Variants in TTC34 observed in about 807,000 individuals in gnomAD.
TTC34 encodes the protein tetratricopeptide repeat protein 34.
Under a neutral mutation model 40.7 loss-of-function variants are expected in TTC34, and 44 were observed. The ratio of observed to expected loss-of-function variants is 1.08; its 90% CI spans 0.85 to 1.39. The LOEUF is 1.39. Among genes scored for constraint, TTC34 ranks in the 40% most tolerant of loss-of-function variants. The pLI is 0.00. For missense variants in TTC34, 884 were observed against 838.0 expected (o/e 1.05, Z -0.68); for synonymous variants, 422 against 398.6 (o/e 1.06, Z -0.70).
At chr1:2,800,366 T>C in exon 2 of TTC34, 1 of 398,488 alleles carries the variant, frequency 2.5e-6, no homozygotes, top group Non-Finnish European at 4.4e-6. Flanking sequence ...CACCATCCGC[T>C]GCCTGCACCC....
In TTC34 at chr1:2,688,632, T is replaced by A. The variant is rs1323976611; in HGVS notation, c.2227-43069A>T. On this transcript the variant is annotated intron_variant, in intron 6 of 8. Transcript: ENST00000401095. ...ACACCCCCAGGTGCGCATCTGATGG[T>A]CTGGAGTAGCACCCACAACCACAGG... is the stretch of plus-strand genomic sequence containing the variant. 3.4e-4 allele frequency among the ~76,000 whole-genome samples: 30 copies of A among 89,132 alleles called. 3 individuals are homozygous for A. The highest frequency in any genetic ancestry group is 1.5e-3 in the African/African-American group (30 of 19,404). 58.5% of individuals were successfully genotyped at this position (89,132 alleles called of 152,430 possible).
rs1216921004 is a variant in TTC34, at chr1:2,698,991, G to T, written c.2227-53428C>A. 1.4e-5 allele frequency among the ~76,000 whole-genome samples: 2 copies of T among 139,342 alleles called. 1 individual carries two copies. Among genetic ancestry groups the T allele is most frequent in the Non-Finnish European group, 3.2e-5 (2 of 62,974 alleles). The allele number at this position is 139,342 out of a possible 152,430, so 91.4% of individuals were successfully genotyped here. A position where few individuals can be genotyped will look rare whatever the true frequency, so the allele number is the denominator to read the frequency against. On this transcript the variant is annotated intron_variant, in intron 6 of 8. Coordinates refer to ENST00000401095, the Ensembl canonical transcript of TTC34. Reference sequence around the variant, plus strand: ...TGCCCCCCCAGGTGAGCATCTGACAGCCTGGAAAGGCACCCACACCACCAG... The same window carrying T: ...TGCCCCCCCAGGTGAGCATCTGACATCCTGGAAAGGCACCCACACCACCAG...
chr1:2,657,421 C>A (rs538260721), intron 6 of TTC34, among the ~76,000 whole-genome samples: 6 of 90,220 alleles, frequency 6.7e-5, no homozygotes, highest in Non-Finnish European at 1.4e-4. Flanking sequence ...GTACCAGTAC[C>A]CCCAGGCGAG....
Position 2,749,884 on chromosome 1 carries a change from C to A in TTC34, c.2226+33725G>T, listed in dbSNP as rs1324121721. 2.3e-3 allele frequency among the ~76,000 whole-genome samples: 256 copies of A among 109,396 alleles called. 1 individual carries two copies. The highest frequency in any genetic ancestry group is 2.9e-3 in the Non-Finnish European group (155 of 54,238). 71.8% of individuals were successfully genotyped at this position (109,396 alleles called of 152,430 possible). ...CCGACAGCCTGGAGCAGAACCCACA[C>A]CCCCAGGCGAGCATCTGACAGCCTG... On this transcript the variant is annotated intron_variant, in intron 6 of 8. Transcript: ENST00000401095.
chr1:2,698,937 T>G, intron 6 of TTC34, among the ~76,000 whole-genome samples: 1 of 117,264 alleles, frequency 8.5e-6, no homozygotes, highest in Non-Finnish European at 1.8e-5. Context: ...CACCCTCAGG[T>G]GAGCATCTGA....
chr1:2,777,695 G>GGT (rs1164510204), intron 6 of TTC34, among the ~76,000 whole-genome samples: 3 of 151,882 alleles, frequency 2.0e-5, no homozygotes, highest in South Asian at 4.2e-4. Context: ...GCATGGGGGG[G>GGT]GGGGCGCAGC....
chr1:2,645,256 C>CA lies in TTC34; in HGVS notation c.2497+36dup, dbSNP rs774779897. On this transcript the variant is annotated intron_variant, in intron 7 of 8. Coordinates refer to ENST00000401095, the Ensembl canonical transcript of TTC34. The surrounding 1 kb of genome is among the most constrained non-coding windows in gnomAD (Gnocchi z 4.7). ...GGTCAGAGGAGCGGGGACAGAAGCC[C>CA]AGACCCCGTGTTTCCCACCTTGGGG... 4.2e-6 allele frequency: 6 copies of CA among 1,437,510 alleles called. No homozygotes were observed. In the South Asian group the frequency reaches 8.8e-5, roughly 21 times the overall value. The allele number at this position is 1,437,510 out of a possible 1,614,324, so 89.0% of individuals were successfully genotyped here. A position where few individuals can be genotyped will look rare whatever the true frequency, so the allele number is the denominator to read the frequency against.
chr1:2,753,449 G>C (rs1310558971), intron 6 of TTC34, among the ~76,000 whole-genome samples: 184 of 37,006 alleles, frequency 5.0e-3, no homozygotes, highest in Middle Eastern at 0.026. Flanking sequence ...TGGAACAGCA[G>C]CCTGCACCCC....
intron 6 of TTC34, among the ~76,000 whole-genome samples, chr1:2,675,373 C>T (rs1192812004): frequency 3.9e-5 from 4 of 103,738 alleles, no homozygotes; most frequent in Admixed American, 9.5e-5. Flanking sequence ...CCCAGGTGAG[C>T]CTCTGACAGC....
intron 6 of TTC34, among the ~76,000 whole-genome samples, chr1:2,749,726 C>A (rs1206533781): frequency 2.1e-5 from 2 of 93,616 alleles, no homozygotes; most frequent in Admixed American, 2.1e-4. Flanking sequence ...CACGCACAAC[C>A]CCAGGTGAGC....
intron 6 of TTC34, among the ~76,000 whole-genome samples, chr1:2,757,314 G>A: frequency 7.5e-6 from 1 of 133,636 alleles, no homozygotes; most frequent in South Asian, 2.6e-4. Context: ...CACACCCCCA[G>A]GCGAGGATCG....
At chr1:2,775,615 G>T (rs553403184) in intron 6 of TTC34, 1 of 148,526 alleles carries the variant, frequency 6.7e-6, no homozygotes, top group Non-Finnish European at 1.5e-5. Flanking sequence ...GTGACTGCGT[G>T]GAACAGCACA....
intron 6 of TTC34, chr1:2,776,475 A>G (rs1205289550): frequency 1.2e-4 from 10 of 85,754 alleles, no homozygotes; most frequent in African/African-American, 4.1e-4. Flanking sequence ...GCCTGGAAAA[A>G]CAACCCCCTT....
rs368777782 is a variant in TTC34, at chr1:2,688,642, C to T, written c.2227-43079G>A. ...GTGCGCATCTGATGGTCTGGAGTAG[C>T]ACCCACAACCACAGGTGAGCCTCTG... is the stretch of plus-strand genomic sequence containing the variant. On this transcript the variant is annotated intron_variant, in intron 6 of 8. Transcript: ENST00000401095. 3.7e-5 allele frequency among the ~76,000 whole-genome samples: 5 copies of T among 135,568 alleles called. 1 individual carries two copies. The highest frequency in any genetic ancestry group is 6.3e-5 in the African/African-American group (2 of 31,586). The allele number at this position is 135,568 out of a possible 152,430, so 88.9% of individuals were successfully genotyped here. A position where few individuals can be genotyped will look rare whatever the true frequency, so the allele number is the denominator to read the frequency against.
intron 2 of TTC34, among the ~76,000 whole-genome samples, chr1:2,792,512 C>T (rs1313340369): frequency 6.6e-6 from 1 of 152,182 alleles, no homozygotes; most frequent in East Asian, 1.9e-4. Flanking sequence ...CAGTTACATT[C>T]CTCTGAAGAG....
rs536423491 is a variant in TTC34, at chr1:2,778,717, C to G, written c.2226+4892G>C. ...CAGGAGGGGCAGCACCCACCCTCTT[C>G]TTTTTCCAATTTGTTTTTATTGTGG... On this transcript the variant is annotated intron_variant, in intron 6 of 8. Coordinates refer to ENST00000401095, the Ensembl canonical transcript of TTC34. Among the ~76,000 whole-genome samples the G allele has an allele frequency of 4.6e-5, 7 of 152,310 alleles. No individual in the cohort carries two copies. In the South Asian group the frequency reaches 1.4e-3, roughly 32 times the overall value.
At chr1:2,677,751 A>C (rs1175415049) in intron 6 of TTC34, among the ~76,000 whole-genome samples, 14 of 133,612 alleles carry the variant, frequency 1.0e-4, no homozygotes, top group East Asian at 2.3e-4. Flanking sequence ...AGCATCTGAC[A>C]GCCTGGAACA....
chr1:2,684,603 G>T (rs1253225929), intron 6 of TTC34, among the ~76,000 whole-genome samples: 1 of 108,470 alleles, frequency 9.2e-6, no homozygotes, highest in African/African-American at 4.3e-5. Flanking sequence ...ATACCCCCAG[G>T]TGAGCATCTG....
chr1:2,651,414 C>CA, intron 6 of TTC34, among the ~76,000 whole-genome samples: 1 of 152,030 alleles, frequency 6.6e-6, no homozygotes, highest in African/African-American at 2.4e-5. Flanking sequence ...GAACTTGTGA[C>CA]AATCCGAAAC....
Sources: gnomAD v4.1 joint callset for allele counts (sites outside exome capture counted in the v4.1 genomes callset) on GRCh38, gnomAD v4.1.1 for gene constraint, Gnocchi (gnomAD v3.1) non-coding constraint, MANE v1.5 for transcripts, NCBI Gene and HGNC (gene_info 2026-07-23, HGNC 2026-07-21) for gene names.